NDUFAF2: variants seen among roughly 807,000 people sequenced by gnomAD.
NDUFAF2 encodes NADH:ubiquinone oxidoreductase complex assembly factor 2.
Under a neutral mutation model 22.8 loss-of-function variants are expected in NDUFAF2, and 13 were observed. The ratio of observed to expected loss-of-function variants is 0.57; its 90% CI spans 0.37 to 0.91. NDUFAF2 has a LOEUF of 0.91. Ranked by LOEUF, NDUFAF2 falls within the 40% of genes least tolerant of loss-of-function variation. The pLI, the probability that NDUFAF2 is intolerant of heterozygous loss-of-function variation, is 0.01. For missense variants in NDUFAF2, 162 were observed against 195.2 expected, an observed-to-expected ratio of 0.83 and a Z score of 1.01; for synonymous variants, 53 against 64.2, an observed-to-expected ratio of 0.83 and a Z score of 0.84.
intron 1 of NDUFAF2, among the ~76,000 whole-genome samples, chr5:60,958,763 A>C (rs1750649361): frequency 6.6e-6 from 1 of 152,162 alleles, no homozygotes; most frequent in Admixed American, 6.5e-5. Context: ...ATCTTGAGAC[A>C]GATGCTTAAG....
intron 1 of NDUFAF2, among the ~76,000 whole-genome samples, chr5:61,058,289 T>G (rs924248913): frequency 2.0e-5 from 3 of 152,092 alleles, no homozygotes; most frequent in African/African-American, 7.2e-5. Context: ...CCATCTCTCT[T>G]TTTACCTATA....
intron 3 of NDUFAF2, among the ~76,000 whole-genome samples, chr5:61,148,951 C>G (rs1416698673): frequency 6.6e-6 from 1 of 152,138 alleles, no homozygotes; most frequent in Non-Finnish European, 1.5e-5. Flanking sequence ...AAGGAAGATA[C>G]TTCCATTTGG....
intron 1 of NDUFAF2, among the ~76,000 whole-genome samples, chr5:61,016,208 G>A (rs1751508692): frequency 6.6e-6 from 1 of 151,654 alleles, no homozygotes; most frequent in African/African-American, 2.4e-5. Flanking sequence ...TATATACAGA[G>A]GTAAAATGAT....
At chr5:61,120,948 A>G (rs1267028866) in intron 3 of NDUFAF2, among the ~76,000 whole-genome samples, 2 of 152,126 alleles carry the variant, frequency 1.3e-5, no homozygotes, top group African/African-American at 2.4e-5. Flanking sequence ...TTCTCAATCT[A>G]AATTTTAAAT....
intron 2 of NDUFAF2, among the ~76,000 whole-genome samples, chr5:61,081,349 G>C (rs947072710): frequency 2.0e-5 from 3 of 152,102 alleles, no homozygotes; most frequent in African/African-American, 7.2e-5. Context: ...TTGTACATCA[G>C]TTATACCTCA....
intron 3 of NDUFAF2, among the ~76,000 whole-genome samples, chr5:61,111,878 A>T (rs1752846511): frequency 6.6e-6 from 1 of 151,966 alleles, no homozygotes; most frequent in African/African-American, 2.4e-5. Flanking sequence ...TCGGCCTCCC[A>T]AAGTGCTGGG....
At chr5:61,040,251 G>GACACACAC (rs55910021) in intron 1 of NDUFAF2, among the ~76,000 whole-genome samples, 18,989 of 131,412 alleles carry the variant, frequency 0.14, 1,793 homozygotes, top group Admixed American at 0.2. Flanking sequence ...AAGAGGAAAG[G>GACACACAC]ACACACACAC....
chr5:61,107,908 G>T (rs1472847143), intron 3 of NDUFAF2, among the ~76,000 whole-genome samples: 1 of 146,936 alleles, frequency 6.8e-6, no homozygotes, highest in East Asian at 2.0e-4. Flanking sequence ...TGAGTGAGAA[G>T]ATGCGGTGTT....
intron 1 of NDUFAF2, among the ~76,000 whole-genome samples, chr5:60,979,715 A>T (rs1750950638): frequency 6.6e-6 from 1 of 152,134 alleles, no homozygotes; most frequent in Admixed American, 6.5e-5. Flanking sequence ...GCATCTCTGG[A>T]CCTGCCCAAG....
chr5:61,068,914 A>T (rs960553635), intron 1 of NDUFAF2, among the ~76,000 whole-genome samples: 1 of 152,162 alleles, frequency 6.6e-6, no homozygotes, highest in East Asian at 1.9e-4. Context: ...CAAAAGACCC[A>T]TGTTCAAATC....
At chr5:60,970,677 G>A (rs1002886732) in intron 1 of NDUFAF2, among the ~76,000 whole-genome samples, 1 of 152,052 alleles carries the variant, frequency 6.6e-6, no homozygotes, top group African/African-American at 2.4e-5. Flanking sequence ...CAATTTGGAT[G>A]CCCTTTCTTT....
chr5:61,099,083 A>G lies in NDUFAF2; in HGVS notation c.258+51A>G, dbSNP rs753682682. ...TTTAGGAGTATATATTCCCAAGGAT[A>G]TACGAAGCTTCAGAAAAACTATGAT... On this transcript the variant is annotated intron_variant, in intron 3 of 3. Transcript: ENST00000296597. 5.4e-6 allele frequency: 7 copies of G among 1,302,760 alleles called. No individual in the cohort carries two copies. The South Asian group carries it at 1.1e-4, about 20-fold the overall frequency. The allele number at this position is 1,302,760 out of a possible 1,614,324, so 80.7% of individuals were successfully genotyped here. A position where few individuals can be genotyped will look rare whatever the true frequency, so the allele number is the denominator to read the frequency against.
intron 1 of NDUFAF2, among the ~76,000 whole-genome samples, chr5:61,049,530 TCAAC>T (rs1751996155): frequency 6.6e-6 from 1 of 152,172 alleles, no homozygotes; most frequent in Admixed American, 6.6e-5. Flanking sequence ...ACATTATTGT[TCAAC>T]CAATCTCCAG....
intron 3 of NDUFAF2, among the ~76,000 whole-genome samples, chr5:61,101,155 T>C (rs184220667): frequency 6.4e-4 from 98 of 152,228 alleles, no homozygotes; most frequent in African/African-American, 2.1e-3. Context: ...AAGTAAAACA[T>C]ATATTTATAA....
Position 61,082,113 on chromosome 5 carries a change from A to G in NDUFAF2, c.217+8899A>G, listed in dbSNP as rs565799000. On this transcript the variant is annotated intron_variant, in intron 2 of 3. Coordinates refer to ENST00000296597, the MANE Select transcript of NDUFAF2 (RefSeq NM_174889.5). ...AGCAGTAAATGACCCACTTAATAAAAACAACGATTCACAGGAGAAAAAAAA... is the reference window on the plus strand; with the variant it reads ...AGCAGTAAATGACCCACTTAATAAAGACAACGATTCACAGGAGAAAAAAAA... 2.0e-5 allele frequency among the ~76,000 whole-genome samples: 3 copies of G among 152,218 alleles called. No individual in the cohort carries two copies. In the South Asian group the frequency reaches 6.2e-4, roughly 31 times the overall value.
At chr5:60,997,915 C>A (rs934102120) in intron 1 of NDUFAF2, among the ~76,000 whole-genome samples, 3 of 152,138 alleles carry the variant, frequency 2.0e-5, no homozygotes, top group Non-Finnish European at 2.9e-5. Context: ...GTTCATTGGC[C>A]ACCTTCCAGG....
At chr5:60,948,787 A>G (rs888944787) in intron 1 of NDUFAF2, among the ~76,000 whole-genome samples, 6 of 152,142 alleles carry the variant, frequency 3.9e-5, no homozygotes, top group Non-Finnish European at 5.9e-5. Flanking sequence ...GTATGGACTT[A>G]TGTTTTTATT....
intron 3 of NDUFAF2, among the ~76,000 whole-genome samples, chr5:61,106,686 C>T (rs573143496): frequency 6.6e-6 from 1 of 151,004 alleles, no homozygotes; most frequent in Non-Finnish European, 1.5e-5. Context: ...TCCCACCCCC[C>T]CTAACACCCA....
At position 61,037,700 on chromosome 5, in the gene NDUFAF2, C is replaced by T. The variant is rs77096299; in HGVS notation, c.128-35425C>T. ...AAGAACCCATCCCCTTTCCCCTACT[C>T]GCTTTTAAAAATCAAAACATGGTGA... is the stretch of plus-strand genomic sequence containing the variant. On this transcript the variant is annotated intron_variant, in intron 1 of 3. Coordinates refer to ENST00000296597, the MANE Select transcript of NDUFAF2 (RefSeq NM_174889.5). 6.5e-3 allele frequency among the ~76,000 whole-genome samples: 995 copies of T among 152,158 alleles called. 12 individuals are homozygous for T. Among genetic ancestry groups the T allele is most frequent in the South Asian group, 0.028 (134 of 4,816 alleles).
Sources: allele counts gnomAD v4.1 joint callset (sites outside exome capture counted in the v4.1 genomes callset), GRCh38; gene constraint gnomAD v4.1.1; transcripts MANE v1.5; gene names NCBI Gene and HGNC (gene_info 2026-07-23, HGNC 2026-07-21).